ASAH2B: variants seen among roughly 807,000 people sequenced by gnomAD.
The protein encoded by ASAH2B is N-acylsphingosine amidohydrolase 2B.
A neutral mutation model predicts 2.9 loss-of-function variants in ASAH2B; 1 was observed. That is an observed-to-expected ratio of 0.34 (90% CI 0.12 to 1.63). ASAH2B has a LOEUF of 1.63. Among genes scored for constraint, ASAH2B ranks in the 40% most tolerant of loss-of-function variants. The pLI, the probability that ASAH2B is intolerant of heterozygous loss-of-function variation, is 0.36. For missense variants in ASAH2B, 9 were observed against 37.7 expected (o/e 0.24, Z 1.99); for synonymous variants, 4 against 13.3 (o/e 0.30, Z 1.52).
chr10:50,742,867 G>A, intron 1 of ASAH2B, 48 bp from the exon 2 acceptor site: 2 of 1,598,100 alleles, frequency 1.3e-6, no homozygotes, highest in Non-Finnish European at 1.7e-6. Flanking sequence ...TCTGTAAATG[G>A]ATTTAAATAT....
intron 1 of ASAH2B, among the ~76,000 whole-genome samples, chr10:50,740,313 A>C (rs1377400553): frequency 6.6e-6 from 1 of 152,138 alleles, no homozygotes; most frequent in Non-Finnish European, 1.5e-5. Flanking sequence ...AAGAAAGAGA[A>C]ACATTAGTAC....
rs570784385 is a variant in ASAH2B, at chr10:50,747,094, A to G, written c.144+1820A>G. On this transcript the variant is annotated intron_variant, in intron 3 of 5. Coordinates refer to ENST00000647317, the MANE Select transcript of ASAH2B (RefSeq NM_001321958.2). Reference sequence around the variant, plus strand: ...AACAAACATCACCTACACCAACATCATGGAACTTTTCCTCTAGGTTTTCTT... The same window carrying G: ...AACAAACATCACCTACACCAACATCGTGGAACTTTTCCTCTAGGTTTTCTT... Among the ~76,000 whole-genome samples the G allele has an allele frequency of 4.4e-4, 66 of 149,562 alleles. 4 individuals carry two copies. Among genetic ancestry groups the G allele is most frequent in the African/African-American group, 1.5e-3 (62 of 40,366 alleles).
In ASAH2B at chr10:50,758,696, A is replaced by G. The variant is rs1339717507; in HGVS notation, c.*3956A>G. ...CAAAATGTATACGTTCCTTTAACAG[A>G]TTTATATCAAGCACCTATATACTTT... On this transcript the variant is annotated 3_prime_UTR_variant, in exon 6 of 6. Coordinates refer to ENST00000647317, the MANE Select transcript of ASAH2B (RefSeq NM_001321958.2). 1 of 152,154 alleles carries G rather than the reference A, an allele frequency of 6.6e-6. No individual in the cohort carries two copies. The highest frequency in any genetic ancestry group is 2.4e-5 in the African/African-American group (1 of 41,462). 9.4% of individuals were successfully genotyped at this position (152,154 alleles called of 1,614,324 possible). A position where few individuals can be genotyped will look rare whatever the true frequency, so the allele number is the denominator to read the frequency against.
Position 50,755,780 on chromosome 10 carries a change from C to T in ASAH2B, c.*1040C>T, listed in dbSNP as rs1837074732. On this transcript the variant is annotated 3_prime_UTR_variant, in exon 6 of 6. Transcript: ENST00000647317. ...GGCCTTGATAATTAGTGAATTTGTA[C>T]TTGGGGTGAATGTGTAAGTGTCAAA... 1 of 150,918 alleles carries T rather than the reference C, an allele frequency of 6.6e-6. No homozygotes were observed. The highest frequency in any genetic ancestry group is 2.4e-5 in the African/African-American group (1 of 41,296). 9.3% of individuals were successfully genotyped at this position (150,918 alleles called of 1,614,324 possible). A position where few individuals can be genotyped will look rare whatever the true frequency, so the allele number is the denominator to read the frequency against.
intron 3 of ASAH2B, among the ~76,000 whole-genome samples, chr10:50,746,041 GT>G (rs2132722919): frequency 6.6e-6 from 1 of 151,366 alleles, no homozygotes; most frequent in Non-Finnish European, 1.5e-5. Context: ...ACAATATGTT[GT>G]TTTTAACTGA....
intron 1 of ASAH2B, among the ~76,000 whole-genome samples, chr10:50,741,096 A>G (rs1278708761): frequency 6.6e-6 from 1 of 152,236 alleles, no homozygotes; most frequent in Non-Finnish European, 1.5e-5. Flanking sequence ...TATGGTAGCG[A>G]CATGTGACTG....
Position 50,754,665 on chromosome 10 carries a change from G to T in ASAH2B, c.408G>T (p.Lys136Asn). The T allele has an allele frequency of 5.1e-6, 2 of 391,026 alleles. No homozygotes were observed. The highest frequency in any genetic ancestry group is 4.7e-5 in the South Asian group (2 of 42,768). 24.2% of individuals were successfully genotyped at this position (391,026 alleles called of 1,614,324 possible). A position where few individuals can be genotyped will look rare whatever the true frequency, so the allele number is the denominator to read the frequency against. Residue 136 changes from lysine (K) to asparagine (N), a missense_variant, in exon 6 of 6, where the codon AAG (lysine) becomes AAT (asparagine). Transcript: ENST00000647317. ...TAAGATATTTTGGACACAATCGGAAGCAGGACATTCTGAAGCCTGCTGTCA... is the reference window on the plus strand; with the variant it reads ...TAAGATATTTTGGACACAATCGGAATCAGGACATTCTGAAGCCTGCTGTCA... ...YRIRYFGHNRKQDILKPAVIL... is the reference protein window; with the variant it reads ...YRIRYFGHNRNQDILKPAVIL...
chr10:50,740,691 A>T (rs1190389784), intron 1 of ASAH2B, among the ~76,000 whole-genome samples: 2 of 152,222 alleles, frequency 1.3e-5, no homozygotes, highest in African/African-American at 4.8e-5. Flanking sequence ...CCTTAATTGA[A>T]TGAAATGGCA....
At chr10:50,740,911 A>T (rs1468266202) in intron 1 of ASAH2B, among the ~76,000 whole-genome samples, 1 of 152,190 alleles carries the variant, frequency 6.6e-6, no homozygotes, top group East Asian at 1.9e-4. Flanking sequence ...CTGTTTTTCA[A>T]ATGTGTGTAG....
intron 2 of ASAH2B, among the ~76,000 whole-genome samples, chr10:50,743,479 A>G (rs546657810): frequency 1.7e-4 from 26 of 150,486 alleles, no homozygotes; most frequent in Non-Finnish European, 3.2e-4. Flanking sequence ...GGAAATTGGG[A>G]TGCATTTTCC....
intron 3 of ASAH2B, among the ~76,000 whole-genome samples, chr10:50,748,777 A>G (rs923742930): frequency 6.0e-5 from 9 of 150,596 alleles, no homozygotes; most frequent in Admixed American, 2.0e-4. Context: ...AACTGATGAC[A>G]TTGAGCTGGT....
chr10:50,740,010 G>A (rs1298677538), intron 1 of ASAH2B, 27 bp downstream of exon 1: 2 of 161,848 alleles, frequency 1.2e-5, no homozygotes, highest in Non-Finnish European at 1.5e-5. Context: ...GGGGTAGGCG[G>A]CAGTGGGGTC....
intron 1 of ASAH2B, among the ~76,000 whole-genome samples, chr10:50,740,560 C>T (rs1224282781): frequency 6.6e-6 from 1 of 152,144 alleles, no homozygotes; most frequent in African/African-American, 2.4e-5. Context: ...TCCCTTATTG[C>T]ACGGAAGGTA....
chr10:50,746,298 C>G (rs1407571650), intron 3 of ASAH2B, among the ~76,000 whole-genome samples: 1 of 151,304 alleles, frequency 6.6e-6, no homozygotes, highest in Non-Finnish European at 1.5e-5. Context: ...TAATGTTCTC[C>G]AGGTTTATCC....
At position 50,744,927 on chromosome 10, in the gene ASAH2B, T is replaced by G. The variant is rs1199008954; in HGVS notation, c.-3-201T>G. Among the ~76,000 whole-genome samples, 5 of 150,716 alleles carry G rather than the reference T, an allele frequency of 3.3e-5. No individual in the cohort carries two copies. In the East Asian group the frequency reaches 7.8e-4, roughly 24 times the overall value. ...GCCTATGACCAAAACTTTCTCCCAGTGACAAGAGTTTAAATTATGAATTTC... is the reference window on the plus strand; with the variant it reads ...GCCTATGACCAAAACTTTCTCCCAGGGACAAGAGTTTAAATTATGAATTTC... On this transcript the variant is annotated intron_variant, in intron 2 of 5. Coordinates refer to ENST00000647317, the MANE Select transcript of ASAH2B (RefSeq NM_001321958.2).
chr10:50,746,378 A>G (rs1360364019), intron 3 of ASAH2B, among the ~76,000 whole-genome samples: 1 of 151,518 alleles, frequency 6.6e-6, no homozygotes, highest in Admixed American at 6.6e-5. Context: ...TATATGTACT[A>G]CATTTTCTTT....
chr10:50,753,203 A>G (rs1588934479), intron 5 of ASAH2B, among the ~76,000 whole-genome samples: 1 of 139,142 alleles, frequency 7.2e-6, no homozygotes, highest in East Asian at 2.1e-4. Flanking sequence ...TTAACATTCC[A>G]TGACAGTGGC....
chr10:50,741,299 A>G (rs923563866), intron 1 of ASAH2B, among the ~76,000 whole-genome samples: 1 of 152,158 alleles, frequency 6.6e-6, no homozygotes, highest in Non-Finnish European at 1.5e-5. Context: ...TAATTACTTC[A>G]TTCATTCAAC....
intron 1 of ASAH2B, among the ~76,000 whole-genome samples, chr10:50,742,108 C>T (rs1296014840): frequency 1.3e-5 from 2 of 152,062 alleles, no homozygotes; most frequent in Non-Finnish European, 2.9e-5. Context: ...TGCACATGTA[C>T]CTCTGAACTT....
Sources: gnomAD v4.1 joint callset for allele counts (sites outside exome capture counted in the v4.1 genomes callset) on GRCh38, gnomAD v4.1.1 for gene constraint, MANE v1.5 for transcripts, NCBI Gene and HGNC (gene_info 2026-07-23, HGNC 2026-07-21) for gene names.